Variants in PIK3IP1 observed in about 807,000 individuals in gnomAD.
PIK3IP1 encodes phosphoinositide-3-kinase-interacting protein 1.
Under a neutral mutation model 30.7 loss-of-function variants are expected in PIK3IP1, and 28 were observed. The ratio of observed to expected loss-of-function variants is 0.91; its 90% CI spans 0.68 to 1.25. The LOEUF (loss-of-function observed/expected upper bound fraction) is 1.25, where lower values mean the gene tolerates loss of function less well. Ranked by LOEUF, PIK3IP1 falls within the 50% of genes most tolerant of loss-of-function variation. The pLI, the probability that PIK3IP1 is intolerant of heterozygous loss-of-function variation, is 0.00. For missense variants in PIK3IP1, 333 were observed against 346.2 expected, an observed-to-expected ratio of 0.96 and a Z score of 0.30; for synonymous variants, 159 against 140.8, an observed-to-expected ratio of 1.13 and a Z score of -0.91.
intron 5 of PIK3IP1, 163 bp downstream of exon 5, chr22:31,289,152 A>G: frequency 1.5e-6 from 1 of 683,864 alleles, no homozygotes; most frequent in Non-Finnish European, 2.6e-6. Flanking sequence ...GCACCAAAGG[A>G]AAGGGTTTGT....
At chr22:31,283,649 T>G (rs1416345783) in intron 5 of PIK3IP1, among the ~76,000 whole-genome samples, 1 of 151,756 alleles carries the variant, frequency 6.6e-6, no homozygotes, top group Admixed American at 6.6e-5. Context: ...TAGGCTGGTC[T>G]CAAACTACTG....
rs1357877969 is a variant in PIK3IP1, at chr22:31,283,083, C to G, written c.*1G>C. 6.3e-7 allele frequency: 1 copy of G among 1,587,574 alleles called. No homozygotes were observed. Among genetic ancestry groups the G allele is most frequent in the Admixed American group, 1.8e-5 (1 of 54,630 alleles). ...CATGGGCTCCTGCCCACTGGGGGGG[C>G]TCAGGCCCCAGGAGTCCCGGCCTGG... is the stretch of plus-strand genomic sequence containing the variant. On this transcript the variant is annotated 3_prime_UTR_variant, in exon 6 of 6. Transcript: ENST00000215912.
At position 31,290,954 on chromosome 22, in the gene PIK3IP1, C is replaced by G. The variant is rs763139396; in HGVS notation, c.307+11G>C. 17 of 1,566,268 alleles carry G rather than the reference C, an allele frequency of 1.1e-5. No individual in the cohort carries two copies. Among genetic ancestry groups the G allele is most frequent in the South Asian group, 2.3e-5 (2 of 86,224 alleles). The stretch of plus-strand genomic sequence containing the variant: ...CCAGGAGCGGGGATTCCCGGGGTCC[C>G]GGGCAGGTACCTGGACAGCGCAGGT... On this transcript the variant is annotated intron_variant, in intron 3 of 5. Coordinates refer to ENST00000215912, the MANE Select transcript of PIK3IP1 (RefSeq NM_052880.5).
At chr22:31,292,227 C>T in intron 1 of PIK3IP1, 48 bp downstream of exon 1, 1 of 1,573,066 alleles carries the variant, frequency 6.4e-7, no homozygotes, top group Non-Finnish European at 8.8e-7. Context: ...GGGCTTTACC[C>T]CTTCTGTTTC....
At chr22:31,286,210 A>G (rs1056803212) in intron 5 of PIK3IP1, among the ~76,000 whole-genome samples, 5 of 152,150 alleles carry the variant, frequency 3.3e-5, no homozygotes, top group Non-Finnish European at 7.4e-5. Context: ...ACTTATTAAG[A>G]AAGCATGAAA....
At chr22:31,286,317 G>A (rs1001992251) in intron 5 of PIK3IP1, among the ~76,000 whole-genome samples, 1 of 152,120 alleles carries the variant, frequency 6.6e-6, no homozygotes, top group African/African-American at 2.4e-5. Flanking sequence ...GATGTGGAGG[G>A]AGGATATATC....
intron 1 of PIK3IP1, 106 bp from the exon 2 acceptor site, chr22:31,291,402 G>A: frequency 1.8e-6 from 2 of 1,128,328 alleles, no homozygotes; most frequent in Non-Finnish European, 1.3e-6. Flanking sequence ...ACCTCAGCCT[G>A]GTTAGGGGAC....
At position 31,289,404 on chromosome 22, in the gene PIK3IP1, T is replaced by G. The variant is rs372228401; in HGVS notation, c.509-11A>C. 11 of 1,600,360 alleles carry G rather than the reference T, an allele frequency of 6.9e-6. No homozygotes were observed. Among genetic ancestry groups the G allele is most frequent in the African/African-American group, 4.0e-5 (3 of 74,356 alleles). On this transcript the variant is annotated splice_polypyrimidine_tract_variant and intron_variant, in intron 4 of 5. Coordinates refer to ENST00000215912, the MANE Select transcript of PIK3IP1 (RefSeq NM_052880.5). ...TGCCCAGCACGTAGCCTGCCAAGGA[T>G]AGGACACAAGGTCCCATTAGCCACA...
intron 3 of PIK3IP1, 25 bp downstream of exon 3, chr22:31,290,940 G>C: frequency 1.3e-6 from 2 of 1,546,032 alleles, no homozygotes; most frequent in Non-Finnish European, 1.7e-6. Flanking sequence ...CAGGAGCGGG[G>C]ATTCCCGGGG....
At position 31,281,616 on chromosome 22, in the gene PIK3IP1, T is replaced by G. The variant is rs2123881798; in HGVS notation, c.*1468A>C. On this transcript the variant is annotated 3_prime_UTR_variant, in exon 6 of 6. Coordinates refer to ENST00000215912, the MANE Select transcript of PIK3IP1 (RefSeq NM_052880.5). ...TGTGGAGTCTTTTTTTTTTTTTAATTAAGTCAAATGCAGAGCAATTTCCCA... is the reference window on the plus strand; with the variant it reads ...TGTGGAGTCTTTTTTTTTTTTTAATGAAGTCAAATGCAGAGCAATTTCCCA... 6.6e-6 allele frequency: 1 copy of G among 151,966 alleles called. No homozygotes were observed. Among genetic ancestry groups the G allele is most frequent in the East Asian group, 1.9e-4 (1 of 5,170 alleles). The allele number at this position is 151,966 out of a possible 1,614,324, so 9.4% of individuals were successfully genotyped here. A position where few individuals can be genotyped will look rare whatever the true frequency, so the allele number is the denominator to read the frequency against.
intron 5 of PIK3IP1, 72 bp from the exon 6 acceptor site, chr22:31,283,360 T>TA: frequency 6.6e-7 from 1 of 1,508,350 alleles, no homozygotes; most frequent in East Asian, 2.3e-5. Flanking sequence ...ATAGCATCCC[T>TA]GAGGCTCAGC....
Position 31,282,289 on chromosome 22 carries a change from C to T in PIK3IP1, c.*795G>A, listed in dbSNP as rs1386923675. ...TTCCCATAGGTTAGCTAACTACTCT[C>T]TTACCTGTGCAAAATGAAGACAGGT... On this transcript the variant is annotated 3_prime_UTR_variant, in exon 6 of 6. Transcript: ENST00000215912. The T allele has an allele frequency of 6.6e-6, 1 of 152,582 alleles. No homozygotes were observed. Among genetic ancestry groups the T allele is most frequent in the Non-Finnish European group, 1.5e-5 (1 of 68,050 alleles). The allele number at this position is 152,582 out of a possible 1,614,324, so 9.5% of individuals were successfully genotyped here. A position where few individuals can be genotyped will look rare whatever the true frequency, so the allele number is the denominator to read the frequency against.
Position 31,283,176 on chromosome 22 carries a change from TCTC to T in PIK3IP1, c.697_699del (p.Glu233del). ...TGGCTGGTGTGGACCACGACAGTCTTCTCATCCACAATCTCACAGGTGGGGTTG... is the reference window on the plus strand; with the variant it reads ...TGGCTGGTGTGGACCACGACAGTCTTATCCACAATCTCACAGGTGGGGTTG... On this transcript the variant is annotated inframe_deletion, in exon 6 of 6. Transcript: ENST00000215912. The T allele has an allele frequency of 6.2e-7, 1 of 1,614,180 alleles. No homozygotes were observed. Among genetic ancestry groups the T allele is most frequent in the Non-Finnish European group, 8.5e-7 (1 of 1,180,028 alleles).
intron 5 of PIK3IP1, chr22:31,289,087 T>G: frequency 3.4e-6 from 2 of 591,576 alleles, no homozygotes; most frequent in Non-Finnish European, 6.1e-6. Context: ...GCTTCTTCAT[T>G]TGTAAAATGC....
At position 31,291,084 on chromosome 22, in the gene PIK3IP1, C is replaced by T. The variant is rs199562757; in HGVS notation, c.188G>A (p.Gly63Glu). 5.0e-4 allele frequency: 780 copies of T among 1,551,712 alleles called. 1 individual carries two copies. In the African/African-American group the frequency reaches 0.01, roughly 20 times the overall value. Residue 63 changes from glycine to glutamate, a missense_variant and splice_region_variant, in exon 3 of 6, where the codon GGG becomes GAG. Transcript: ENST00000215912. ...QSGLASAPVSGAGNHSYCRNP... is the reference protein window; with the variant it reads ...QSGLASAPVSEAGNHSYCRNP... Reference sequence around the variant, plus strand: ...TCGGCAGTAACTGTGATTGCCGGCCCCTAAGAGAGGAGAGAAGGAAATGTG... The same window carrying T: ...TCGGCAGTAACTGTGATTGCCGGCCTCTAAGAGAGGAGAGAAGGAAATGTG...
intron 5 of PIK3IP1, among the ~76,000 whole-genome samples, chr22:31,283,560 G>A (rs7288735): frequency 0.38 from 58,259 of 151,886 alleles, 12,917 homozygotes; most frequent in Middle Eastern, 0.56. Context: ...CAGCTTCACC[G>A]GGGCTCAATG....
At chr22:31,283,406 T>C in intron 5 of PIK3IP1, 118 bp from the exon 6 acceptor site, 1 of 1,103,622 alleles carries the variant, frequency 9.1e-7, no homozygotes, top group Non-Finnish European at 1.3e-6. Context: ...AACAAATCAG[T>C]GGCTGAGCCA....
intron 5 of PIK3IP1, chr22:31,289,046 C>T (rs1305202689): frequency 1.0e-5 from 6 of 574,852 alleles, no homozygotes; most frequent in Non-Finnish European, 1.9e-5. Context: ...CACTCCTAGG[C>T]TATGTGACTT....
Position 31,290,879 on chromosome 22 carries a change from T to A in PIK3IP1, c.307+86A>T, listed in dbSNP as rs901252081. 9 of 1,439,812 alleles carry A rather than the reference T, an allele frequency of 6.3e-6. No homozygotes were observed. The South Asian group carries it at 7.4e-5, about 12-fold the overall frequency. 89.2% of individuals were successfully genotyped at this position (1,439,812 alleles called of 1,614,324 possible). A position where few individuals can be genotyped will look rare whatever the true frequency, so the allele number is the denominator to read the frequency against. On this transcript the variant is annotated intron_variant, in intron 3 of 5. Transcript: ENST00000215912. ...GGAGGCGGAGCGGGGCCGGCCGGCATCGCGCGGCCGCACGTGCGCCACGAG... is the reference window on the plus strand; with the variant it reads ...GGAGGCGGAGCGGGGCCGGCCGGCAACGCGCGGCCGCACGTGCGCCACGAG...
Sources: gnomAD v4.1 joint callset for allele counts (sites outside exome capture counted in the v4.1 genomes callset) on GRCh38, gnomAD v4.1.1 for gene constraint, MANE v1.5 for transcripts, NCBI Gene and HGNC (gene_info 2026-07-23, HGNC 2026-07-21) for gene names.